Variants in MROH2A observed in about 807,000 individuals in gnomAD.
MROH2A encodes maestro heat like repeat family member 2A.
A neutral mutation model predicts 200.4 loss-of-function variants in MROH2A; 174 were observed. The ratio of observed to expected loss-of-function variants is 0.87; its 90% confidence interval spans 0.77 to 0.98. The LOEUF is 0.98. Ranked by LOEUF, MROH2A falls within the 50% of genes least tolerant of loss-of-function variation. The probability of loss-of-function intolerance (pLI) is 0.00; values close to 1 mark genes in which losing one functional copy is unlikely to be tolerated. For synonymous variants in MROH2A, 829 were observed against 840.4 expected (o/e 0.99, Z 0.23); for missense variants, 2,045 against 2,139.6 (o/e 0.96, Z 0.87).
At chr2:233,791,857 G>A (rs1010611392) in intron 5 of MROH2A, among the ~76,000 whole-genome samples, 1 of 152,064 alleles carries the variant, frequency 6.6e-6, no homozygotes. Flanking sequence ...TGGGAGGGGA[G>A]GAAGGGAAGG....
In MROH2A at chr2:233,823,018, G is replaced by C; in HGVS notation, c.4004G>C (p.Arg1335Thr). ...TFLEGVSLLA[R>T]LCMQHVEGHR... ...CTGGAGGGTGTGAGCCTGCTGGCCA[G>C]GTGGGCCCTGGCTCCCACAGGGTGG... Residue 1335 changes from arginine to threonine, a missense_variant and splice_region_variant, in exon 34 of 42, where the codon AGG becomes ACG. Arg to Thr is a moderately conservative substitution (Grantham distance 71). This residue lies in a region of MROH2A where 1,201 missense variants were observed against 1,311.3 expected (regional missense o/e 0.92). Coordinates refer to ENST00000389758, the MANE Select transcript of MROH2A (RefSeq NM_001394639.1). 6.5e-7 allele frequency: 1 copy of C among 1,550,050 alleles called. No homozygotes were observed. Among genetic ancestry groups the C allele is most frequent in the Non-Finnish European group, 8.7e-7 (1 of 1,146,906 alleles).
chr2:233,806,201 T>C (rs1054043175), intron 19 of MROH2A, among the ~76,000 whole-genome samples: 2 of 152,088 alleles, frequency 1.3e-5, no homozygotes, highest in African/African-American at 4.8e-5. Flanking sequence ...ATGGAACAAC[T>C]AGAAGAATAT....
At chr2:233,780,943 G>A (rs1700927894) in intron 3 of MROH2A, among the ~76,000 whole-genome samples, 1 of 151,966 alleles carries the variant, frequency 6.6e-6, no homozygotes, top group South Asian at 2.1e-4. Flanking sequence ...ACTTCTATGA[G>A]CTCACCATTT....
intron 4 of MROH2A, 85 bp from the exon 5 acceptor site, chr2:233,789,767 G>C (rs905516192): frequency 6.7e-7 from 1 of 1,488,932 alleles, no homozygotes; most frequent in African/African-American, 1.4e-5. Context: ...GGAACCAGGA[G>C]GGGTGGAGAG....
chr2:233,787,145 G>A (rs1246498315), intron 3 of MROH2A, among the ~76,000 whole-genome samples: 1 of 152,032 alleles, frequency 6.6e-6, no homozygotes, highest in African/African-American at 2.4e-5. Flanking sequence ...CCAAGTCTTT[G>A]ACAGTTTTTC....
At chr2:233,793,601 C>T in intron 6 of MROH2A, 72 bp from the exon 7 acceptor site, 2 of 1,302,484 alleles carry the variant, frequency 1.5e-6, no homozygotes, top group Non-Finnish European at 2.0e-6. Context: ...ACTCGGGAAG[C>T]TGGGCTGGGA....
intron 22 of MROH2A, among the ~76,000 whole-genome samples, chr2:233,810,209 C>G (rs757833056): frequency 2.6e-5 from 4 of 152,122 alleles, no homozygotes; most frequent in Admixed American, 2.6e-4. Context: ...TGTATTAGTT[C>G]GTGTTAACGC....
rs1450547890 is a variant in MROH2A, at chr2:233,832,619, G to T, written c.4878G>T (p.Lys1626Asn). The T allele has an allele frequency of 6.5e-7, 1 of 1,549,940 alleles. No homozygotes were observed. Among genetic ancestry groups the T allele is most frequent in the South Asian group, 1.2e-5 (1 of 84,050 alleles). Residue 1626 changes from lysine (K) to asparagine (N), a missense_variant, in exon 41 of 42, where the codon AAG (lysine) becomes AAT (asparagine). Coordinates refer to ENST00000389758, the MANE Select transcript of MROH2A (RefSeq NM_001394639.1). ...MKQMSTHYLKKLDFPALRNSL... is the reference protein window; with the variant it reads ...MKQMSTHYLKNLDFPALRNSL... ...AGATGTCTACACATTATCTGAAAAA[G>T]CTGGACTTCCCAGCATTACGGAATT...
chr2:233,807,300 T>C lies in MROH2A; in HGVS notation c.2053-123T>C, dbSNP rs1385723740. ...TGTGAATTGTGCTGCTGTAAACGTG[T>C]GTGCAAGTATCTTCTGCACATTAAA... On this transcript the variant is annotated intron_variant, in intron 19 of 41. Coordinates refer to ENST00000389758, the MANE Select transcript of MROH2A (RefSeq NM_001394639.1). This position sits in a 1 kb window ranked among gnomAD's most constrained non-coding sequence, Gnocchi z 4.3. 9 of 1,082,876 alleles carry C rather than the reference T, an allele frequency of 8.3e-6. No individual in the cohort carries two copies. The highest frequency in any genetic ancestry group is 1.2e-5 in the Non-Finnish European group (9 of 778,938). 67.1% of individuals were successfully genotyped at this position (1,082,876 alleles called of 1,614,324 possible).
At chr2:233,780,886 C>T (rs1339496544) in intron 3 of MROH2A, among the ~76,000 whole-genome samples, 1 of 152,150 alleles carries the variant, frequency 6.6e-6, no homozygotes, top group East Asian at 1.9e-4. Flanking sequence ...CCCTATCCTC[C>T]CCTGCCCTTA....
At chr2:233,784,054 C>T (rs1701075957) in intron 3 of MROH2A, among the ~76,000 whole-genome samples, 2 of 151,900 alleles carry the variant, frequency 1.3e-5, no homozygotes, top group Non-Finnish European at 1.5e-5. Context: ...TTTATGTCTG[C>T]ACTGATCTCT....
At chr2:233,803,273 G>A (rs1430134933) in intron 15 of MROH2A, among the ~76,000 whole-genome samples, 175 bp from the exon 16 acceptor site, 5 of 152,240 alleles carry the variant, frequency 3.3e-5, no homozygotes, top group Non-Finnish European at 5.9e-5. Context: ...TAAGTGAAAT[G>A]TAATGATGTT....
At chr2:233,826,013 C>T (rs1704282778) in intron 35 of MROH2A, among the ~76,000 whole-genome samples, 1 of 150,498 alleles carries the variant, frequency 6.6e-6, no homozygotes, top group Non-Finnish European at 1.5e-5. Context: ...CAACCTCCAC[C>T]TCCCGGGTTC....
chr2:233,805,606 T>C (rs1205315557), intron 19 of MROH2A, among the ~76,000 whole-genome samples: 1 of 151,940 alleles, frequency 6.6e-6, no homozygotes, highest in Non-Finnish European at 1.5e-5. Flanking sequence ...AACAAAATTA[T>C]GAGAAGAAGA....
intron 24 of MROH2A, among the ~76,000 whole-genome samples, chr2:233,813,380 A>G (rs1010625391): frequency 2.0e-5 from 3 of 152,218 alleles, no homozygotes; most frequent in Non-Finnish European, 4.4e-5. Flanking sequence ...GTCGGCAAGG[A>G]GCAATGGAAT....
Position 233,794,292 on chromosome 2 carries a change from T to C in MROH2A, c.823-71T>C, listed in dbSNP as rs1701964814. 67 of 1,149,880 alleles carry C rather than the reference T, an allele frequency of 5.8e-5. 2 individuals are homozygous for C. The South Asian group carries it at 8.9e-4, about 15-fold the overall frequency. The allele number at this position is 1,149,880 out of a possible 1,614,324, so 71.2% of individuals were successfully genotyped here. On this transcript the variant is annotated intron_variant, in intron 7 of 41. Coordinates refer to ENST00000389758, the MANE Select transcript of MROH2A (RefSeq NM_001394639.1). ...GTCCTGTGTCCTTGGATTCTGTGGC[T>C]GGGGCTGAGGTCACTGGCCTTGCTG... is the stretch of plus-strand genomic sequence containing the variant.
intron 26 of MROH2A, among the ~76,000 whole-genome samples, chr2:233,815,845 C>CTTTTTTTTTT: frequency 7.7e-6 from 1 of 129,252 alleles, no homozygotes; most frequent in South Asian, 2.4e-4. Context: ...TTAGATTTTG[C>CTTTTTTTTTT]TTTTTTTTTT....
At chr2:233,819,842 T>G (rs2124852802) in intron 30 of MROH2A, 60 bp from the exon 31 acceptor site, 1 of 1,436,832 alleles carries the variant, frequency 7.0e-7, no homozygotes, top group Non-Finnish European at 9.2e-7. Flanking sequence ...TGTCATGGGG[T>G]TAGTGCAGGA....
rs1169622789 is a variant in MROH2A, at chr2:233,793,733, A to AC, written c.735dup (p.Val246ArgfsTer4). On this transcript the variant is annotated frameshift_variant, in exon 7 of 42. Coordinates refer to ENST00000389758, the MANE Select transcript of MROH2A (RefSeq NM_001394639.1). LOFTEE classifies it high-confidence loss of function. ...CTGAAGCACCTGGAGGAGAGCGTGT[A>AC]CCCCGTGATGACTGAGGAGGAGTTT... The AC allele has an allele frequency of 1.3e-6, 2 of 1,495,298 alleles. No homozygotes were observed. Among genetic ancestry groups the AC allele is most frequent in the African/African-American group, 1.4e-5 (1 of 70,124 alleles). 92.6% of individuals were successfully genotyped at this position (1,495,298 alleles called of 1,614,324 possible).
Sources: allele counts gnomAD v4.1 joint callset (sites outside exome capture counted in the v4.1 genomes callset), GRCh38; gene constraint gnomAD v4.1.1; regional missense constraint gnomAD v4.1.1; non-coding constraint Gnocchi (gnomAD v3.1); transcripts MANE v1.5; gene names NCBI Gene and HGNC (gene_info 2026-07-23, HGNC 2026-07-21).